The following FLACC1 variants were observed in gnomAD, a reference collection of about 807,000 sequenced individuals.
FLACC1 encodes the protein flagellum associated containing coiled-coil domains 1.
A neutral mutation model predicts 62.8 loss-of-function variants in FLACC1; 66 were observed. The ratio of observed to expected loss-of-function variants is 1.05; its 90% CI spans 0.86 to 1.29. FLACC1 has a LOEUF of 1.29. Among genes scored for constraint, FLACC1 ranks in the 50% most tolerant of loss-of-function variants. FLACC1 has a pLI of 0.00. For missense variants in FLACC1, 452 were observed against 489.1 expected, an observed-to-expected ratio of 0.92 and a Z score of 0.71; for synonymous variants, 156 against 161.0, an observed-to-expected ratio of 0.97 and a Z score of 0.24.
At chr2:201,294,227 A>AT (rs1949805740) in intron 12 of FLACC1, among the ~76,000 whole-genome samples, 1 of 152,200 alleles carries the variant, frequency 6.6e-6, no homozygotes, top group South Asian at 2.1e-4. Context: ...AAAAAAGAGA[A>AT]TTTTAGACCA....
intron 9 of FLACC1, among the ~76,000 whole-genome samples, chr2:201,322,001 G>C (rs375965403): frequency 2.8e-4 from 42 of 152,326 alleles, no homozygotes; most frequent in African/African-American, 9.1e-4. Context: ...GGGTGCAGTG[G>C]CTCATGCCTG....
rs146676758 is a variant in FLACC1 at position 201,331,979 on chromosome 2, T to C, written c.525-1146A>G. ...GGCAGTAAGTATATGGGAAATCTTT[T>C]ATACTTTCCCCTCAATGTTGCTGTA... is the stretch of plus-strand genomic sequence containing the variant. On this transcript the variant is annotated intron_variant, in intron 7 of 14. Coordinates refer to ENST00000392257, the MANE Select transcript of FLACC1 (RefSeq NM_001127391.3). Among the ~76,000 whole-genome samples, 11 of 152,320 alleles carry C rather than the reference T, an allele frequency of 7.2e-5. 1 individual carries two copies. The East Asian group carries it at 2.1e-3, about 29-fold the overall frequency.
intron 12 of FLACC1, among the ~76,000 whole-genome samples, chr2:201,297,714 T>A (rs1373581478): frequency 6.6e-6 from 1 of 152,220 alleles, no homozygotes; most frequent in African/African-American, 2.4e-5. Flanking sequence ...TCTAATAGGT[T>A]CTGCCTCCCA....
intron 9 of FLACC1, among the ~76,000 whole-genome samples, chr2:201,310,234 GTTCTATGA>G (rs1950192000): frequency 7.0e-6 from 1 of 142,590 alleles, no homozygotes; most frequent in Non-Finnish European, 1.5e-5. Flanking sequence ...CTTAGGCTCT[GTTCTATGA>G]TGTTTTCCCT....
At chr2:201,298,230 T>A (rs914655089) in intron 12 of FLACC1, among the ~76,000 whole-genome samples, 1 of 152,118 alleles carries the variant, frequency 6.6e-6, no homozygotes, top group African/African-American at 2.4e-5. Flanking sequence ...TGGGGAAAAT[T>A]AGTTCCACAC....
intron 12 of FLACC1, among the ~76,000 whole-genome samples, chr2:201,290,188 G>A (rs1330310720): frequency 5.9e-5 from 9 of 152,146 alleles, no homozygotes. Flanking sequence ...AAACTATTCT[G>A]TATGACACTA....
At chr2:201,364,268 G>A in the FLACC1 span, among the ~76,000 whole-genome samples, 1 of 151,968 alleles carries the variant, frequency 6.6e-6, no homozygotes, top group Non-Finnish European at 1.5e-5. Context: ...GGGGAAAAGG[G>A]AAAGGGAAAG....
In FLACC1 at chr2:201,346,417, C is replaced by T. The variant is rs1950915003; in HGVS notation, c.368+125G>A. 24 of 1,359,642 alleles carry T rather than the reference C, an allele frequency of 1.8e-5. No individual in the cohort carries two copies. The highest frequency in any genetic ancestry group is 4.6e-5 in the East Asian group (2 of 43,444). 84.2% of individuals were successfully genotyped at this position (1,359,642 alleles called of 1,614,324 possible). A position where few individuals can be genotyped will look rare whatever the true frequency, so the allele number is the denominator to read the frequency against. On this transcript the variant is annotated intron_variant, in intron 5 of 14. Coordinates refer to ENST00000392257, the MANE Select transcript of FLACC1 (RefSeq NM_001127391.3). The surrounding 1 kb of genome is among the most constrained non-coding windows in gnomAD (Gnocchi z 4.0). The stretch of plus-strand genomic sequence containing the variant: ...AGGGGCGAGGAGGGAGGTGCCCTTG[C>T]GGCCCCTCCAGAGCAGGGACCAGTG...
intron 5 of FLACC1, among the ~76,000 whole-genome samples, chr2:201,344,598 AACAGAGG>A (rs1330994881): frequency 2.0e-5 from 3 of 152,216 alleles, no homozygotes; most frequent in African/African-American, 7.2e-5. Context: ...TGATAGTTGA[AACAGAGG>A]ACGAAGTTCA....
chr2:201,319,061 C>T (rs1184339335), intron 9 of FLACC1, among the ~76,000 whole-genome samples: 2 of 152,054 alleles, frequency 1.3e-5, no homozygotes, highest in Non-Finnish European at 2.9e-5. Flanking sequence ...ACTCATGTAA[C>T]CAAACACCTC....
chr2:201,288,858 G>A, intron 14 of FLACC1, 77 bp from the exon 15 acceptor site: 1 of 1,530,224 alleles, frequency 6.5e-7, no homozygotes, highest in Non-Finnish European at 8.8e-7. Context: ...AGTGCAGGGA[G>A]AGAAATGTGC....
rs1035280615 is a variant in FLACC1 at position 201,346,349 on chromosome 2, C to T, written c.368+193G>A. 2.0e-5 allele frequency among the ~76,000 whole-genome samples: 3 copies of T among 152,204 alleles called. No individual in the cohort carries two copies. Among genetic ancestry groups the T allele is most frequent in the African/African-American group, 4.8e-5 (2 of 41,454 alleles). On this transcript the variant is annotated intron_variant, in intron 5 of 14. Coordinates refer to ENST00000392257, the MANE Select transcript of FLACC1 (RefSeq NM_001127391.3). This position sits in a 1 kb window ranked among gnomAD's most constrained non-coding sequence, Gnocchi z 4.0. ...CCTTGGATCTGCTCACGGATGGGAT[C>T]AGAGCAGAGAGGCAGATGTGGAGAG... is the stretch of plus-strand genomic sequence containing the variant.
intron 7 of FLACC1, 111 bp from the exon 8 acceptor site, chr2:201,330,944 A>T: frequency 1.1e-5 from 7 of 651,416 alleles, no homozygotes; most frequent in Non-Finnish European, 1.2e-5. Flanking sequence ...TGAGGTTCTC[A>T]CTTTTTTATT....
At chr2:201,322,718 T>A (rs1041141834) in intron 9 of FLACC1, among the ~76,000 whole-genome samples, 1 of 152,064 alleles carries the variant, frequency 6.6e-6, no homozygotes, top group Non-Finnish European at 1.5e-5. Flanking sequence ...ACACTAGCTC[T>A]CCAGCAATGG....
intron 9 of FLACC1, among the ~76,000 whole-genome samples, chr2:201,310,034 GT>G (rs1418854181): frequency 3.9e-5 from 6 of 151,924 alleles, no homozygotes; most frequent in Non-Finnish European, 8.8e-5. Context: ...TTCTTTTGTG[GT>G]TGAGGTTAAA....
rs370122951 is a variant in FLACC1, at chr2:201,293,188, G to T, written c.943-3403C>A. On this transcript the variant is annotated intron_variant, in intron 12 of 14. Coordinates refer to ENST00000392257, the MANE Select transcript of FLACC1 (RefSeq NM_001127391.3). ...CAAGCAGACCTAATAGACATCTACAGAACTCTCCACCCCAAATGAACAGAA... is the reference window on the plus strand; with the variant it reads ...CAAGCAGACCTAATAGACATCTACATAACTCTCCACCCCAAATGAACAGAA... Among the ~76,000 whole-genome samples the T allele has an allele frequency of 7.2e-5, 11 of 152,232 alleles. No homozygotes were observed. In the South Asian group the frequency reaches 8.3e-4, roughly 11 times the overall value.
intron 9 of FLACC1, among the ~76,000 whole-genome samples, chr2:201,314,288 T>TA (rs1027657739): frequency 2.5e-4 from 37 of 150,988 alleles, no homozygotes; most frequent in African/African-American, 7.1e-4. Flanking sequence ...TAAGGAAATT[T>TA]AAAAAAAAAT....
chr2:201,352,738 C>T (rs1473880738), intron 1 of FLACC1, among the ~76,000 whole-genome samples: 3 of 152,210 alleles, frequency 2.0e-5, no homozygotes, highest in African/African-American at 7.2e-5. Context: ...CTGTCCCTTT[C>T]CCTATACCGC....
At chr2:201,353,018 TG>T (rs905164238) in intron 1 of FLACC1, among the ~76,000 whole-genome samples, 7 of 152,342 alleles carry the variant, frequency 4.6e-5, no homozygotes, top group Admixed American at 1.3e-4. Context: ...TTTAGCTCAG[TG>T]AGGCTCATTT....
Sources: allele counts gnomAD v4.1 joint callset (sites outside exome capture counted in the v4.1 genomes callset), GRCh38; gene constraint gnomAD v4.1.1; non-coding constraint Gnocchi (gnomAD v3.1); transcripts MANE v1.5; gene names NCBI Gene and HGNC (gene_info 2026-07-23, HGNC 2026-07-21).